TRIO: variants seen among roughly 807,000 people sequenced by gnomAD.
TRIO encodes trio Rho guanine nucleotide exchange factor, also known as triple functional domain protein.
Under a neutral mutation model 351.9 loss-of-function variants are expected in TRIO, and 58 were observed. That is an observed-to-expected ratio of 0.16 (90% CI 0.13 to 0.21). TRIO has a LOEUF of 0.21. Ranked by LOEUF, TRIO falls within the 10% of genes least tolerant of loss-of-function variation. The pLI, the probability that TRIO is intolerant of heterozygous loss-of-function variation, is 1.00. For missense variants in TRIO, 3,201 were observed against 4,027.8 expected (o/e 0.79, Z 5.56); for synonymous variants, 1,758 against 1,595.7 (o/e 1.10, Z -2.42).
chr5:14,391,015 C>A (rs1037100180), intron 27 of TRIO, 25 bp downstream of exon 27: 3 of 1,545,934 alleles, frequency 1.9e-6, no homozygotes, highest in East Asian at 2.3e-5. Context: ...CCTAAAGAGA[C>A]CATAATTTTC....
chr5:14,279,569 G>A (rs1735814509), intron 2 of TRIO, among the ~76,000 whole-genome samples: 1 of 152,180 alleles, frequency 6.6e-6, no homozygotes, highest in Non-Finnish European at 1.5e-5. Flanking sequence ...TAAAATAAAT[G>A]TGACAATTTT....
At chr5:14,219,246 T>G (rs1275788505) in intron 1 of TRIO, among the ~76,000 whole-genome samples, 1 of 152,166 alleles carries the variant, frequency 6.6e-6, no homozygotes, top group Admixed American at 6.5e-5. Context: ...AATTTTTTTT[T>G]TTTGTTTACT....
chr5:14,245,538 C>T (rs1295442762), intron 1 of TRIO, among the ~76,000 whole-genome samples: 1 of 152,214 alleles, frequency 6.6e-6, no homozygotes, highest in African/African-American at 2.4e-5. Flanking sequence ...CTTGTCATTG[C>T]TTAAAGATAG....
At chr5:14,485,312 C>T in intron 47 of TRIO, 66 bp downstream of exon 47, 2 of 1,460,260 alleles carry the variant, frequency 1.4e-6, no homozygotes, top group Non-Finnish European at 9.2e-7. Flanking sequence ...ATTTATCTTC[C>T]CTCTCCCATT....
chr5:14,264,908 GT>G, intron 1 of TRIO, among the ~76,000 whole-genome samples: 3 of 152,254 alleles, frequency 2.0e-5, no homozygotes, highest in African/African-American at 7.2e-5. Context: ...CGCGCGCGAA[GT>G]TTCCCCCAAA....
chr5:14,399,175 G>A (rs765867821), intron 30 of TRIO, 105 bp downstream of exon 30: 6 of 1,071,892 alleles, frequency 5.6e-6, no homozygotes, highest in Non-Finnish European at 7.0e-6. Context: ...CTCCCAATCT[G>A]TCCTGAAATG....
In TRIO at chr5:14,246,020, C is replaced by T. The variant is rs544175257; in HGVS notation, c.158-24805C>T. On this transcript the variant is annotated intron_variant, in intron 1 of 56. Transcript: ENST00000344204. ...TATTCTGGGAGTAACTCCCGGTTAA[C>T]GATATAAGGGGAAAAACACTCATTA... Among the ~76,000 whole-genome samples, 19 of 152,314 alleles carry T rather than the reference C, an allele frequency of 1.2e-4. No homozygotes were observed. In the East Asian group the frequency reaches 1.3e-3, roughly 11 times the overall value.
intron 1 of TRIO, among the ~76,000 whole-genome samples, chr5:14,192,501 T>A (rs969124284): frequency 2.0e-5 from 3 of 152,178 alleles, no homozygotes; most frequent in Non-Finnish European, 4.4e-5. Context: ...CTCGAGTCCC[T>A]GGGCTCAAGT....
At chr5:14,450,248 G>A (rs1211298727) in intron 34 of TRIO, among the ~76,000 whole-genome samples, 1 of 152,184 alleles carries the variant, frequency 6.6e-6, no homozygotes, top group Non-Finnish European at 1.5e-5. Context: ...ATGAAGACTA[G>A]CCCAAAATGG....
At chr5:14,480,332 TCAAA>T (rs1579779316) in intron 43 of TRIO, among the ~76,000 whole-genome samples, 1 of 152,204 alleles carries the variant, frequency 6.6e-6, no homozygotes, top group African/African-American at 2.4e-5. Context: ...AGAAAACACT[TCAAA>T]CAATTTTCTC....
chr5:14,507,813 C>T (rs971556495), intron 56 of TRIO, 67 bp from the exon 57 acceptor site: 22 of 1,545,734 alleles, frequency 1.4e-5, no homozygotes, highest in Middle Eastern at 2.3e-4. Flanking sequence ...CATAGAGTCC[C>T]GCCCATCATC....
chr5:14,182,472 A>T (rs1352675743), intron 1 of TRIO, among the ~76,000 whole-genome samples: 1 of 152,226 alleles, frequency 6.6e-6, no homozygotes, highest in Non-Finnish European at 1.5e-5. Flanking sequence ...ATCAAATACA[A>T]TGCAAGTTTC....
intron 1 of TRIO, among the ~76,000 whole-genome samples, chr5:14,239,853 G>A (rs1017440498): frequency 6.6e-6 from 1 of 152,226 alleles, no homozygotes; most frequent in East Asian, 1.9e-4. Flanking sequence ...TTGATCACTA[G>A]GAAAGGCTTC....
At chr5:14,402,630 A>G (rs542322132) in intron 31 of TRIO, among the ~76,000 whole-genome samples, 1 of 151,736 alleles carries the variant, frequency 6.6e-6, no homozygotes, top group Non-Finnish European at 1.5e-5. Context: ...TTTGGTGGTC[A>G]CGGTGGTATA....
At chr5:14,161,265 G>A (rs1394690466) in intron 1 of TRIO, among the ~76,000 whole-genome samples, 5 of 152,172 alleles carry the variant, frequency 3.3e-5, no homozygotes, top group African/African-American at 1.2e-4. Flanking sequence ...GACCTCCTGG[G>A]AAACTTGGAC....
chr5:14,451,561 G>A (rs1242023667), intron 34 of TRIO, among the ~76,000 whole-genome samples: 1 of 152,244 alleles, frequency 6.6e-6, no homozygotes, highest in Admixed American at 6.5e-5. Flanking sequence ...GAATAAAAAT[G>A]TGATTTATTG....
chr5:14,399,037 G>A lies in TRIO; in HGVS notation c.4581G>A (p.Gly1527=). The stretch of plus-strand genomic sequence containing the variant: ...GTAAAGAAGTGAAAGATTCCAGTGG[G>A]AGAAGCAAGTACCTTTATAAAAGCA... The part of the protein sequence containing the change: ...VFSKEVKDSS[G]RSKYLYKSKL... The change falls in exon 30 of 57, where the codon GGG becomes GGA. Residue 1527 remains glycine, a synonymous_variant. Coordinates refer to ENST00000344204, the MANE Select transcript of TRIO (RefSeq NM_007118.4). 1.2e-6 allele frequency: 2 copies of A among 1,614,126 alleles called. No individual in the cohort carries two copies. The highest frequency in any genetic ancestry group is 1.7e-6 in the Non-Finnish European group (2 of 1,180,010).
rs144478580 is a variant in TRIO, at chr5:14,423,260, C to T, written c.5203+3239C>T. On this transcript the variant is annotated intron_variant, in intron 34 of 56. Transcript: ENST00000344204. The stretch of plus-strand genomic sequence containing the variant: ...AGGCCTGGAGGCTGTGTCTGTGCCC[C>T]CAGCGAGTCTCTTCTGCATTCTGGG... Among the ~76,000 whole-genome samples the T allele has an allele frequency of 9.2e-5, 14 of 152,338 alleles. 1 individual carries two copies. In the East Asian group the frequency reaches 2.5e-3, roughly 27 times the overall value.
intron 1 of TRIO, among the ~76,000 whole-genome samples, chr5:14,151,009 A>T (rs148991371): frequency 2.1e-4 from 32 of 152,292 alleles, no homozygotes; most frequent in Non-Finnish European, 4.1e-4. Flanking sequence ...TCCCACTCCC[A>T]TGATTTGTGC....
Sources: gnomAD v4.1 joint callset for allele counts (sites outside exome capture counted in the v4.1 genomes callset) on GRCh38, gnomAD v4.1.1 for gene constraint, MANE v1.5 for transcripts, NCBI Gene and HGNC (gene_info 2026-07-23, HGNC 2026-07-21) for gene names.